The following NTRK2 variants were observed in gnomAD, a reference collection of about 807,000 sequenced individuals.
NTRK2 encodes BDNF/NT-3 growth factors receptor.
NTRK2 carries 13 observed loss-of-function variants against 94.5 expected under a neutral mutation model. The ratio of observed to expected loss-of-function variants is 0.14; its 90% CI spans 0.09 to 0.22. The LOEUF (loss-of-function observed/expected upper bound fraction) is 0.22, where lower values mean the gene tolerates loss of function less well. Ranked by LOEUF, NTRK2 falls within the 10% of genes least tolerant of loss-of-function variation. The probability of loss-of-function intolerance (pLI) is 1.00; values close to 1 mark genes in which losing one functional copy is unlikely to be tolerated. For synonymous variants in NTRK2, 372 were observed against 407.4 expected (o/e 0.91, Z 1.05); for missense variants, 639 against 1,071.2 (o/e 0.60, Z 5.63).
intron 17 of NTRK2, among the ~76,000 whole-genome samples, chr9:85,016,147 G>A (rs114150613): frequency 0.015 from 2,238 of 152,264 alleles, 62 homozygotes; most frequent in African/African-American, 0.051. Context: ...GGGTGATTCC[G>A]GAACCACGGC....
chr9:84,909,647 C>T (rs1479436351), intron 14 of NTRK2, among the ~76,000 whole-genome samples: 5 of 152,054 alleles, frequency 3.3e-5, no homozygotes, highest in Non-Finnish European at 1.5e-5. Context: ...TAAGATGTCT[C>T]GTTGTGCTTT....
intron 12 of NTRK2, among the ~76,000 whole-genome samples, chr9:84,856,170 TG>T (rs1287494934): frequency 3.9e-5 from 6 of 152,176 alleles, no homozygotes; most frequent in Non-Finnish European, 2.9e-5. Flanking sequence ...ATTGTAAGTT[TG>T]ATGAAGGACA....
chr9:85,021,526 A>G lies in NTRK2; in HGVS notation c.*89A>G. 7.8e-7 allele frequency: 1 copy of G among 1,283,310 alleles called. No homozygotes were observed. The highest frequency in any genetic ancestry group is 1.5e-5 in the African/African-American group (1 of 68,398). The allele number at this position is 1,283,310 out of a possible 1,614,324, so 79.5% of individuals were successfully genotyped here. A position where few individuals can be genotyped will look rare whatever the true frequency, so the allele number is the denominator to read the frequency against. On this transcript the variant is annotated 3_prime_UTR_variant, in exon 19 of 19. Coordinates refer to ENST00000277120, the MANE Select transcript of NTRK2 (RefSeq NM_006180.6). ...CTTTTAACTGCCGCTGGAGGCCACC[A>G]AGCTGCTCTCCTTCACTCTGACAGT... is the stretch of plus-strand genomic sequence containing the variant.
chr9:84,735,847 T>A (rs1436132145), intron 9 of NTRK2, among the ~76,000 whole-genome samples: 1 of 152,210 alleles, frequency 6.6e-6, no homozygotes, highest in Non-Finnish European at 1.5e-5. Context: ...AACCAGAAAG[T>A]GTACATGGAG....
At chr9:84,889,823 C>T (rs893229004) in intron 14 of NTRK2, among the ~76,000 whole-genome samples, 3 of 152,202 alleles carry the variant, frequency 2.0e-5, no homozygotes, top group Admixed American at 2.0e-4. Context: ...ATTGTCCTGA[C>T]ACCACCATCA....
chr9:85,004,047 G>GAAAGAAAGAAAGAAAAGAAAGAAAGAA (rs1564542231), intron 17 of NTRK2, among the ~76,000 whole-genome samples: 8 of 39,814 alleles, frequency 2.0e-4, no homozygotes, highest in South Asian at 8.9e-4. Context: ...GAAAGAAAGG[G>GAAAGAAAGAAAGAAAAGAAAGAAAGAA]AGAAAGAGAA....
intron 12 of NTRK2, chr9:84,814,574 A>T: frequency 9.4e-7 from 1 of 1,065,958 alleles, no homozygotes. Context: ...TGGAATCAAG[A>T]TACTACACAA....
intron 12 of NTRK2, among the ~76,000 whole-genome samples, chr9:84,840,080 C>T (rs1363838498): frequency 6.6e-6 from 1 of 151,990 alleles, no homozygotes. Flanking sequence ...ATAAGACCTT[C>T]TTATTGCTTT....
At chr9:84,850,480 T>G (rs909270692) in intron 12 of NTRK2, among the ~76,000 whole-genome samples, 1 of 152,148 alleles carries the variant, frequency 6.6e-6, no homozygotes, top group African/African-American at 2.4e-5. Flanking sequence ...AGCCAGGTCA[T>G]GGGGCCAGGT....
chr9:84,767,302 C>T (rs932979600), intron 12 of NTRK2, among the ~76,000 whole-genome samples: 1 of 152,104 alleles, frequency 6.6e-6, no homozygotes, highest in Admixed American at 6.6e-5. Flanking sequence ...TTTATTTTTC[C>T]TCCTCACAAT....
intron 14 of NTRK2, among the ~76,000 whole-genome samples, chr9:84,883,494 G>A (rs887166474): frequency 2.0e-5 from 3 of 152,130 alleles, no homozygotes; most frequent in Non-Finnish European, 4.4e-5. Flanking sequence ...GGCATTTAAG[G>A]GATAGTCTTG....
chr9:84,818,709 T>G (rs919564700), intron 12 of NTRK2, among the ~76,000 whole-genome samples: 1 of 152,206 alleles, frequency 6.6e-6, no homozygotes, highest in African/African-American at 2.4e-5. Flanking sequence ...CTCTTGAACT[T>G]TAGTACTTCC....
intron 12 of NTRK2, among the ~76,000 whole-genome samples, chr9:84,851,475 G>C (rs895605411): frequency 3.3e-5 from 5 of 152,270 alleles, no homozygotes; most frequent in African/African-American, 1.2e-4. Flanking sequence ...TTATAAGTGT[G>C]TATAATCCTG....
chr9:84,837,611 A>G (rs2073952020), intron 12 of NTRK2, among the ~76,000 whole-genome samples: 1 of 152,238 alleles, frequency 6.6e-6, no homozygotes, highest in African/African-American at 2.4e-5. Flanking sequence ...GAGAATAAAA[A>G]GATAAAACTT....
intron 17 of NTRK2, among the ~76,000 whole-genome samples, chr9:84,974,232 A>G (rs1449580919): frequency 2.0e-5 from 3 of 152,226 alleles, no homozygotes; most frequent in Non-Finnish European, 4.4e-5. Flanking sequence ...AACCCCACGC[A>G]TATCTGCTAT....
At chr9:84,805,746 C>T (rs2071035406) in intron 12 of NTRK2, among the ~76,000 whole-genome samples, 1 of 152,186 alleles carries the variant, frequency 6.6e-6, no homozygotes, top group Non-Finnish European at 1.5e-5. Flanking sequence ...CCTCTGCCCT[C>T]ATGAATAGAT....
intron 12 of NTRK2, among the ~76,000 whole-genome samples, chr9:84,790,227 G>A (rs1049697879): frequency 6.6e-6 from 1 of 152,160 alleles, no homozygotes; most frequent in Admixed American, 6.5e-5. Flanking sequence ...CCTTTTATTT[G>A]TCATTACCTT....
intron 12 of NTRK2, among the ~76,000 whole-genome samples, chr9:84,853,183 A>G (rs974249360): frequency 6.6e-6 from 1 of 152,188 alleles, no homozygotes; most frequent in Admixed American, 6.5e-5. Context: ...CCATGTGTCA[A>G]TCTTCTCAGT....
rs1833026789 is a variant in NTRK2 at position 85,026,162 on chromosome 9, A to G, written c.*4725A>G. 4.5e-6 allele frequency: 1 copy of G among 224,428 alleles called. No individual in the cohort carries two copies. Among genetic ancestry groups the G allele is most frequent in the African/African-American group, 2.2e-5 (1 of 44,730 alleles). 13.9% of individuals were successfully genotyped at this position (224,428 alleles called of 1,614,324 possible). On this transcript the variant is annotated 3_prime_UTR_variant, in exon 19 of 19. Coordinates refer to ENST00000277120, the MANE Select transcript of NTRK2 (RefSeq NM_006180.6). ...AAAATATATATATATATATCTGTAT[A>G]TGTGTTGTAGGCAAAACACTGTGAA...
Sources: gnomAD v4.1 joint callset for allele counts (sites outside exome capture counted in the v4.1 genomes callset) on GRCh38, gnomAD v4.1.1 for gene constraint, MANE v1.5 for transcripts, NCBI Gene and HGNC (gene_info 2026-07-23, HGNC 2026-07-21) for gene names.